The following USP34 variants were observed in gnomAD, a reference collection of about 807,000 sequenced individuals.
USP34 encodes ubiquitin specific peptidase 34.
USP34 carries 70 observed loss-of-function variants against 460.3 expected under a neutral mutation model. The ratio of observed to expected loss-of-function variants is 0.15; its 90% CI spans 0.13 to 0.19. The LOEUF (loss-of-function observed/expected upper bound fraction) is 0.19, where lower values mean the gene tolerates loss of function less well. Among genes scored for constraint, USP34 ranks in the 10% least tolerant of loss-of-function variants. The probability of loss-of-function intolerance (pLI) is 1.00; values close to 1 mark genes in which losing one functional copy is unlikely to be tolerated. For missense variants in USP34, 3,985 were observed against 4,236.2 expected (o/e 0.94, Z 1.65); for synonymous variants, 1,647 against 1,405.3 (o/e 1.17, Z -3.85).
At chr2:61,293,406 GA>G in intron 33 of USP34, 57 bp downstream of exon 33, 1 of 1,297,742 alleles carries the variant, frequency 7.7e-7, no homozygotes, top group East Asian at 2.4e-5. Flanking sequence ...TGATGAAATG[GA>G]AGTATTTCAA....
chr2:61,466,036 GA>G (rs535486608), intron 1 of USP34, among the ~76,000 whole-genome samples: 3 of 152,018 alleles, frequency 2.0e-5, no homozygotes, highest in Admixed American at 6.6e-5. Flanking sequence ...ATGGTAGAGG[GA>G]GGGGAGGGAT....
intron 1 of USP34, among the ~76,000 whole-genome samples, chr2:61,468,821 A>C (rs1468239469): frequency 6.6e-6 from 1 of 152,202 alleles, no homozygotes; most frequent in Non-Finnish European, 1.5e-5. Flanking sequence ...CTTAAATAAG[A>C]CCTTTCATTA....
chr2:61,318,851 T>G (rs1008091475), intron 22 of USP34, among the ~76,000 whole-genome samples: 2 of 152,082 alleles, frequency 1.3e-5, no homozygotes, highest in African/African-American at 4.8e-5. Flanking sequence ...CCCCTGAAAA[T>G]TGGACTACAA....
chr2:61,256,486 T>C lies in USP34; in HGVS notation c.6127-8A>G, dbSNP rs1457163117. 5 of 1,559,574 alleles carry C rather than the reference T, an allele frequency of 3.2e-6. No homozygotes were observed. The highest frequency in any genetic ancestry group is 2.3e-5 in the East Asian group (1 of 43,090). On this transcript the variant is annotated splice_region_variant and splice_polypyrimidine_tract_variant and intron_variant, in intron 47 of 79. Coordinates refer to ENST00000398571, the MANE Select transcript of USP34 (RefSeq NM_014709.4). ...AACTTCATCAAGAGATTCCTGTGTATAAAACCACATTTAAAAGTTTCATAT... is the reference window on the plus strand; with the variant it reads ...AACTTCATCAAGAGATTCCTGTGTACAAAACCACATTTAAAAGTTTCATAT...
At chr2:61,321,415 G>A (rs1481533397) in intron 21 of USP34, among the ~76,000 whole-genome samples, 1 of 152,154 alleles carries the variant, frequency 6.6e-6, no homozygotes, top group Non-Finnish European at 1.5e-5. Flanking sequence ...AGGTTGCAGT[G>A]AGCCAAGATT....
intron 51 of USP34, among the ~76,000 whole-genome samples, chr2:61,242,957 C>G (rs962541784): frequency 6.6e-6 from 1 of 151,864 alleles, no homozygotes; most frequent in Admixed American, 6.6e-5. Context: ...GTTCTCCTGT[C>G]TCAGCCTCCT....
intron 1 of USP34, among the ~76,000 whole-genome samples, chr2:61,435,319 A>AAAAAAAAAAG (rs1694782407): frequency 6.7e-6 from 1 of 150,084 alleles, no homozygotes. Context: ...AAAAAAAAAA[A>AAAAAAAAAAG]AAAAAAAAAA....
In USP34 at chr2:61,383,925, C is replaced by G. The variant is rs969349034; in HGVS notation, c.754-589G>C. Among the ~76,000 whole-genome samples, 7 of 152,132 alleles carry G rather than the reference C, an allele frequency of 4.6e-5. 1 individual carries two copies. Among genetic ancestry groups the G allele is most frequent in the African/African-American group, 1.7e-4 (7 of 41,444 alleles). On this transcript the variant is annotated intron_variant, in intron 5 of 79. Coordinates refer to ENST00000398571, the MANE Select transcript of USP34 (RefSeq NM_014709.4). Reference sequence around the variant, plus strand: ...TCTTGCTGAAAAGACAAAACCATCTCTCAAAGTAATATTTCCTTACCAAAT... The same window carrying G: ...TCTTGCTGAAAAGACAAAACCATCTGTCAAAGTAATATTTCCTTACCAAAT...
intron 48 of USP34, among the ~76,000 whole-genome samples, chr2:61,253,404 A>T (rs1033299157): frequency 6.6e-6 from 1 of 152,156 alleles, no homozygotes; most frequent in Non-Finnish European, 1.5e-5. Flanking sequence ...GACTGACTCC[A>T]TTTTATATAC....
chr2:61,340,929 A>T (rs899369605), intron 16 of USP34, among the ~76,000 whole-genome samples: 1 of 150,148 alleles, frequency 6.7e-6, no homozygotes, highest in Non-Finnish European at 1.5e-5. Context: ...ATCGAAATAC[A>T]TATATAATCA....
At chr2:61,332,528 T>C (rs1017840565) in intron 19 of USP34, among the ~76,000 whole-genome samples, 4 of 152,008 alleles carry the variant, frequency 2.6e-5, no homozygotes, top group African/African-American at 9.7e-5. Flanking sequence ...CTGCCCCTTC[T>C]ATACAAGAAA....
At chr2:61,416,980 T>G (rs1157390301) in intron 2 of USP34, 1 of 1,309,180 alleles carries the variant, frequency 7.6e-7, no homozygotes, top group East Asian at 2.3e-5. Flanking sequence ...AGCCACCATA[T>G]CTTCAAATTC....
chr2:61,242,126 C>A (rs552824324), intron 51 of USP34, among the ~76,000 whole-genome samples: 1 of 151,958 alleles, frequency 6.6e-6, no homozygotes, highest in Admixed American at 6.6e-5. Flanking sequence ...AAGTAGTTGG[C>A]CTTGTCCTAA....
chr2:61,425,417 G>C (rs1340857820), intron 1 of USP34, among the ~76,000 whole-genome samples: 1 of 151,982 alleles, frequency 6.6e-6, no homozygotes, highest in Admixed American at 6.6e-5. Flanking sequence ...AGCAGCAAAA[G>C]GCCTGGTGCC....
intron 21 of USP34, among the ~76,000 whole-genome samples, chr2:61,321,164 T>C (rs1279791016): frequency 6.7e-6 from 1 of 149,332 alleles, no homozygotes; most frequent in Non-Finnish European, 1.5e-5. Flanking sequence ...AGCGAGACTG[T>C]CTCTTTAAAA....
chr2:61,433,978 C>T (rs1247139677), intron 1 of USP34, among the ~76,000 whole-genome samples: 1 of 152,136 alleles, frequency 6.6e-6, no homozygotes, highest in African/African-American at 2.4e-5. Context: ...ACTCCCACAA[C>T]CAGACCACAC....
chr2:61,332,975 CAAGT>C (rs1052008972), intron 19 of USP34, among the ~76,000 whole-genome samples: 3 of 152,022 alleles, frequency 2.0e-5, no homozygotes, highest in African/African-American at 7.2e-5. Flanking sequence ...TGAAAGCAAG[CAAGT>C]GTTCTTACCA....
rs368857884 is a variant in USP34 at position 61,228,890 on chromosome 2, G to A, written c.7305C>T (p.His2435=). 2.5e-5 allele frequency: 40 copies of A among 1,608,356 alleles called. No individual in the cohort carries two copies. Among genetic ancestry groups the A allele is most frequent in the Non-Finnish European group, 3.3e-5 (39 of 1,177,704 alleles). The change falls in exon 60 of 80, where the codon CAC becomes CAT. Residue 2435 remains histidine (H), a synonymous_variant. Coordinates refer to ENST00000398571, the MANE Select transcript of USP34 (RefSeq NM_014709.4). ...LLIMEHGVKP[H]SKHLTEYFAF... is the part of the protein sequence containing the mutation. Reference sequence around the variant, plus strand: ...CAAAATACTCTGTAAGATGTTTACTGTGAGGTTTTACACCATGTTCCATAA... The same window carrying A: ...CAAAATACTCTGTAAGATGTTTACTATGAGGTTTTACACCATGTTCCATAA...
At chr2:61,413,652 C>G (rs1351106925) in intron 2 of USP34, among the ~76,000 whole-genome samples, 1 of 141,764 alleles carries the variant, frequency 7.1e-6, no homozygotes, top group East Asian at 2.0e-4. Flanking sequence ...CAGTGAGACT[C>G]AGTCTCAAAA....
Sources: gnomAD v4.1 joint callset for allele counts (sites outside exome capture counted in the v4.1 genomes callset) on GRCh38, gnomAD v4.1.1 for gene constraint, MANE v1.5 for transcripts, NCBI Gene and HGNC (gene_info 2026-07-23, HGNC 2026-07-21) for gene names.